The following MON2 variants were observed in gnomAD, a reference collection of about 807,000 sequenced individuals.
MON2 encodes the protein MON2 regulator of endosome-to-Golgi trafficking, also known as protein MON2 homolog.
MON2 carries 84 observed loss-of-function variants against 208.6 expected under a neutral mutation model. The observed-to-expected ratio is 0.40, with a 90% CI of 0.34 to 0.48. The LOEUF is 0.48. Among genes scored for constraint, MON2 ranks in the 20% least tolerant of loss-of-function variants. MON2 has a pLI of 0.59. For synonymous variants in MON2, 660 were observed against 694.0 expected (o/e 0.95, Z 0.77); for missense variants, 1,611 against 2,015.4 (o/e 0.80, Z 3.84).
At chr12:62,502,062 A>G (rs953113553) in intron 7 of MON2, among the ~76,000 whole-genome samples, 2 of 152,134 alleles carry the variant, frequency 1.3e-5, no homozygotes, top group African/African-American at 4.8e-5. Flanking sequence ...TCTACTAAAA[A>G]TACAAAAATT....
At chr12:62,590,641 C>G (rs564351265) in intron 34 of MON2, among the ~76,000 whole-genome samples, 3 of 152,134 alleles carry the variant, frequency 2.0e-5, no homozygotes, top group Non-Finnish European at 2.9e-5. Flanking sequence ...TCCCCCATCC[C>G]GGTTTTGTAC....
chr12:62,492,527 G>A (rs182403052), intron 2 of MON2, among the ~76,000 whole-genome samples: 33 of 149,346 alleles, frequency 2.2e-4, no homozygotes, highest in African/African-American at 4.4e-4. Flanking sequence ...GCCCGCCACC[G>A]CGCCCGACTA....
At chr12:62,507,805 G>T (rs1253402667) in intron 7 of MON2, among the ~76,000 whole-genome samples, 1 of 152,114 alleles carries the variant, frequency 6.6e-6, no homozygotes, top group African/African-American at 2.4e-5. Context: ...ATCTTGCTCT[G>T]TTACCCAGAC....
intron 8 of MON2, among the ~76,000 whole-genome samples, chr12:62,512,477 C>A (rs996188395): frequency 9.2e-5 from 14 of 152,322 alleles, no homozygotes; most frequent in African/African-American, 3.4e-4. Context: ...TCCAAAATGA[C>A]CTCCTTTGAC....
chr12:62,501,533 T>C (rs746919602), intron 6 of MON2, 40 bp from the exon 7 acceptor site: 1 of 1,602,800 alleles, frequency 6.2e-7, no homozygotes. Flanking sequence ...AAAAGCACAT[T>C]TAATTCTAGC....
intron 11 of MON2, among the ~76,000 whole-genome samples, chr12:62,531,808 T>C (rs1344035617): frequency 6.6e-6 from 1 of 152,078 alleles, no homozygotes; most frequent in East Asian, 1.9e-4. Flanking sequence ...GTCACTCTGT[T>C]GCCCAGGCTG....
At chr12:62,517,463 C>T (rs1345470587) in intron 8 of MON2, among the ~76,000 whole-genome samples, 3 of 151,870 alleles carry the variant, frequency 2.0e-5, no homozygotes, top group Non-Finnish European at 2.9e-5. Context: ...AGCCCCAGTC[C>T]CCAACATGAC....
chr12:62,467,350 T>G, intron 1 of MON2, 32 bp downstream of exon 1: 2 of 1,542,946 alleles, frequency 1.3e-6, no homozygotes, highest in Non-Finnish European at 1.8e-6. Flanking sequence ...GAGAAGGCAC[T>G]GTGAGCATGC....
At chr12:62,542,376 T>G (rs1374801337) in intron 19 of MON2, among the ~76,000 whole-genome samples, 1 of 152,240 alleles carries the variant, frequency 6.6e-6, no homozygotes, top group African/African-American at 2.4e-5. Flanking sequence ...TCTTGTCTTT[T>G]TTCTAAGACA....
intron 5 of MON2, among the ~76,000 whole-genome samples, chr12:62,500,573 A>C (rs1225191049): frequency 1.3e-5 from 2 of 152,202 alleles, no homozygotes; most frequent in Non-Finnish European, 2.9e-5. Context: ...TAAGGTAGCA[A>C]AGAGTGATTT....
In MON2 at chr12:62,588,702, C is replaced by T. The variant is rs1170840722; in HGVS notation, c.4990+546C>T. ...AAGCAAAAAAATATTTTTCATTTAC[C>T]GTTTCCTACCAAATTGCAAAGAATA... On this transcript the variant is annotated intron_variant, in intron 34 of 34. Transcript: ENST00000393630. 4.6e-5 allele frequency among the ~76,000 whole-genome samples: 7 copies of T among 152,148 alleles called. No individual in the cohort carries two copies. The East Asian group carries it at 5.8e-4, about 13-fold the overall frequency.
At chr12:62,541,791 G>A (rs150928886) in intron 19 of MON2, among the ~76,000 whole-genome samples, 97 of 152,256 alleles carry the variant, frequency 6.4e-4, no homozygotes, top group African/African-American at 2.1e-3. Flanking sequence ...GAATCTTCAG[G>A]TGTGAGCTTT....
intron 30 of MON2, among the ~76,000 whole-genome samples, chr12:62,578,139 G>A (rs966883591): frequency 4.6e-5 from 7 of 152,152 alleles, no homozygotes; most frequent in East Asian, 1.9e-4. Context: ...TTGCTCTGCT[G>A]CAGATGATAG....
chr12:62,551,434 A>G (rs868205655), intron 23 of MON2, among the ~76,000 whole-genome samples: 2 of 152,198 alleles, frequency 1.3e-5, no homozygotes, highest in African/African-American at 2.4e-5. Flanking sequence ...GCCATCTTAC[A>G]TAGGTGCGGC....
chr12:62,569,028 T>A (rs1367974398), intron 29 of MON2, among the ~76,000 whole-genome samples: 2 of 152,172 alleles, frequency 1.3e-5, no homozygotes, highest in Non-Finnish European at 2.9e-5. Flanking sequence ...CTTACCACAT[T>A]GTTTTGTGGT....
In MON2 at chr12:62,543,147, T is replaced by C. The variant is rs545649620; in HGVS notation, c.2415T>C (p.Asn805=). The C allele has an allele frequency of 2.3e-5, 37 of 1,579,790 alleles. No homozygotes were observed. The highest frequency in any genetic ancestry group is 2.1e-4 in the South Asian group (17 of 82,452). ...AATTGTTAGAAACTGGTTTAGTTAA[T>C]ATGCACCGAATAGAAATTCTGTGGA... The part of the protein sequence containing the change: ...VAKLLETGLV[N]MHRIEILWRP... Residue 805 remains asparagine (N), a synonymous_variant, in exon 20 of 35, where the codon AAT becomes AAC. Coordinates refer to ENST00000393630, the MANE Select transcript of MON2 (RefSeq NM_015026.3).
intron 25 of MON2, among the ~76,000 whole-genome samples, chr12:62,559,207 C>T (rs1047671626): frequency 1.3e-5 from 2 of 152,150 alleles, no homozygotes; most frequent in Admixed American, 1.3e-4. Flanking sequence ...AATGAAAGTC[C>T]TTAAACCTTG....
chr12:62,516,193 C>A (rs960687816), intron 8 of MON2, among the ~76,000 whole-genome samples: 1 of 152,122 alleles, frequency 6.6e-6, no homozygotes, highest in African/African-American at 2.4e-5. Context: ...TTCACATGTT[C>A]TCACTCGTTT....
intron 25 of MON2, among the ~76,000 whole-genome samples, chr12:62,557,818 G>A (rs528122143): frequency 6.6e-4 from 99 of 149,360 alleles, no homozygotes; most frequent in African/African-American, 2.2e-3. Context: ...TAAAATTTAC[G>A]TACAGTGAAA....
Sources: gnomAD v4.1 joint callset for allele counts (sites outside exome capture counted in the v4.1 genomes callset) on GRCh38, gnomAD v4.1.1 for gene constraint, MANE v1.5 for transcripts, NCBI Gene and HGNC (gene_info 2026-07-23, HGNC 2026-07-21) for gene names.